KNCN: variants seen among roughly 807,000 people sequenced by gnomAD.
KNCN encodes the protein kinocilin.
Under a neutral mutation model 10.4 loss-of-function variants are expected in KNCN, and 11 were observed. That is an observed-to-expected ratio of 1.06 (90% CI 0.67 to 1.75). The LOEUF is 1.75. Among genes scored for constraint, KNCN ranks in the 40% most tolerant of loss-of-function variants. KNCN has a pLI of 0.00. For synonymous variants in KNCN, 67 were observed against 71.6 expected, an observed-to-expected ratio of 0.94 and a Z score of 0.33; for missense variants, 172 against 167.1, an observed-to-expected ratio of 1.03 and a Z score of -0.16.
Position 46,549,354 on chromosome 1 carries a change from A to G in KNCN, c.221-87T>C, listed in dbSNP as rs1285013711. 6.6e-6 allele frequency: 6 copies of G among 910,116 alleles called. No homozygotes were observed. In the African/African-American group the frequency reaches 8.4e-5, roughly 13 times the overall value. 56.4% of individuals were successfully genotyped at this position (910,116 alleles called of 1,614,324 possible). A position where few individuals can be genotyped will look rare whatever the true frequency, so the allele number is the denominator to read the frequency against. On this transcript the variant is annotated intron_variant, in intron 2 of 3. Transcript: ENST00000481882. ...GTTGGGAAGGGAAGTCCTTCTTGCT[A>G]TCTAGTCTCCATCCCTGATGCTGTC...
chr1:46,549,239 C>CCAGG lies in KNCN; in HGVS notation c.248_249insCCTG (p.Ala84LeufsTer40), dbSNP rs758694668. Reference sequence around the variant, plus strand: ...TGGATCTTCCTTCCCCGTGGTCTGCCCCTGGATGGGGATGGATTCTTAGGC... The same window carrying CCAGG: ...TGGATCTTCCTTCCCCGTGGTCTGCCCAGGCCTGGATGGGGATGGATTCTTAGGC... On this transcript the variant is annotated frameshift_variant, in exon 3 of 4. Coordinates refer to ENST00000481882, the MANE Select transcript of KNCN (RefSeq NM_001322255.2). LOFTEE classifies it high-confidence loss of function. The CCAGG allele has an allele frequency of 3.7e-6, 6 of 1,613,372 alleles. No homozygotes were observed. Among genetic ancestry groups the CCAGG allele is most frequent in the Non-Finnish European group, 5.1e-6 (6 of 1,179,556 alleles).
Position 46,549,773 on chromosome 1 carries a change from G to T in KNCN, c.220+161C>A, listed in dbSNP as rs376784646. ...TCTGCCGTTCTGTAGTCATGGCAAC[G>T]CCTGCACAACACACACACACACAGC... On this transcript the variant is annotated intron_variant, in intron 2 of 3. Transcript: ENST00000481882. The T allele has an allele frequency of 1.6e-5, 22 of 1,340,794 alleles. No homozygotes were observed. The Admixed American group carries it at 2.4e-4, about 14-fold the overall frequency. 83.1% of individuals were successfully genotyped at this position (1,340,794 alleles called of 1,614,324 possible).
rs1401826957 is a variant in KNCN at position 46,546,263 on chromosome 1, CTG to C, written c.*1465_*1466del. 2.6e-5 allele frequency: 4 copies of C among 152,228 alleles called. No individual in the cohort carries two copies. The highest frequency in any genetic ancestry group is 1.3e-4 in the Admixed American group (2 of 15,286). The allele number at this position is 152,228 out of a possible 1,614,324, so 9.4% of individuals were successfully genotyped here. A position where few individuals can be genotyped will look rare whatever the true frequency, so the allele number is the denominator to read the frequency against. ...TCAGCTTTCCCATCTGAGATGGACT[CTG>C]TGCTTCAGAAAACTTTGGTTTTTCC... is the stretch of plus-strand genomic sequence containing the variant. On this transcript the variant is annotated 3_prime_UTR_variant, in exon 4 of 4. Transcript: ENST00000481882.
At chr1:46,549,152 A>C in intron 3 of KNCN, 41 bp downstream of exon 3, 1 of 1,531,006 alleles carries the variant, frequency 6.5e-7, no homozygotes, top group Non-Finnish European at 8.9e-7. Context: ...AAAAAAAAAA[A>C]AGAAAAAAGA....
chr1:46,547,873 C>T, intron 3 of KNCN, 64 bp from the exon 4 acceptor site: 1 of 1,192,198 alleles, frequency 8.4e-7, no homozygotes, highest in Non-Finnish European at 1.1e-6. Flanking sequence ...TTGTCAGGGT[C>T]AGAGGAACTC....
chr1:46,547,888 G>T, intron 3 of KNCN, 79 bp from the exon 4 acceptor site: 1 of 1,119,842 alleles, frequency 8.9e-7, no homozygotes, highest in Non-Finnish European at 1.2e-6. Context: ...GAACTCAGAG[G>T]GACCCAAGGC....
chr1:46,549,870 G>C (rs1667029759), intron 2 of KNCN, 64 bp downstream of exon 2: 3 of 1,550,072 alleles, frequency 1.9e-6, no homozygotes, highest in Non-Finnish European at 2.6e-6. Flanking sequence ...TCACAGACGA[G>C]CACACAAAGG....
intron 1 of KNCN, among the ~76,000 whole-genome samples, chr1:46,550,521 C>T (rs1183905198): frequency 1.4e-5 from 2 of 144,314 alleles, no homozygotes; most frequent in African/African-American, 2.6e-5. Flanking sequence ...TGCCTTTGGC[C>T]TGGGCGGGGG....
At position 46,547,484 on chromosome 1, in the gene KNCN, G is replaced by C. The variant is rs1405761383; in HGVS notation, c.*246C>G. ...GGCCAGGGCAGGAGCCTGAAACATG[G>C]GAACCCTGTGGGGGCGTCCGGCGAC... On this transcript the variant is annotated 3_prime_UTR_variant, in exon 4 of 4. Coordinates refer to ENST00000481882, the MANE Select transcript of KNCN (RefSeq NM_001322255.2). The C allele has an allele frequency of 8.7e-6, 6 of 691,490 alleles. No individual in the cohort carries two copies. The highest frequency in any genetic ancestry group is 2.0e-5 in the Admixed American group (1 of 49,512). 42.8% of individuals were successfully genotyped at this position (691,490 alleles called of 1,614,324 possible).
At chr1:46,549,370 T>C (rs1341870658) in intron 2 of KNCN, 103 bp from the exon 3 acceptor site, 10 of 773,998 alleles carry the variant, frequency 1.3e-5, no homozygotes, top group South Asian at 2.0e-5. Flanking sequence ...TCTCCATCCC[T>C]GATGCTGTCT....
At chr1:46,547,874 A>G in intron 3 of KNCN, 65 bp from the exon 4 acceptor site, 1 of 1,196,144 alleles carries the variant, frequency 8.4e-7, no homozygotes, top group Non-Finnish European at 1.1e-6. Flanking sequence ...TGTCAGGGTC[A>G]GAGGAACTCA....
chr1:46,548,137 C>T (rs1666986605), intron 3 of KNCN, among the ~76,000 whole-genome samples: 1 of 152,178 alleles, frequency 6.6e-6, no homozygotes, highest in Non-Finnish European at 1.5e-5. Flanking sequence ...CCCTGTGCCT[C>T]GGTTGCCCCT....
In KNCN at chr1:46,549,193, C is replaced by T. The variant is rs1317625273; in HGVS notation, c.295G>A (p.Gly99Arg). Residue 99 changes from glycine (G) to arginine (R), a missense_variant and splice_region_variant, in exon 3 of 4, where the codon GGA becomes AGA. Coordinates refer to ENST00000481882, the MANE Select transcript of KNCN (RefSeq NM_001322255.2). ...GRSSTNGNKE[G>R]ARSSLSTVSR... is the part of the protein sequence containing the mutation. ...GGACTCGGGAATTTCTGGAACTTACCTTCCTTGTTGCCATTGGTGCTGGAT... is the reference window on the plus strand; with the variant it reads ...GGACTCGGGAATTTCTGGAACTTACTTTCCTTGTTGCCATTGGTGCTGGAT... The T allele has an allele frequency of 1.2e-6, 2 of 1,608,342 alleles. No individual in the cohort carries two copies. The highest frequency in any genetic ancestry group is 1.1e-5 in the South Asian group (1 of 89,828).
Position 46,548,198 on chromosome 1 carries a change from A to T in KNCN, c.296-389T>A, listed in dbSNP as rs186577104. Among the ~76,000 whole-genome samples the T allele has an allele frequency of 2.5e-3, 388 of 152,232 alleles. 6 individuals carry two copies. Among genetic ancestry groups the T allele is most frequent in the Non-Finnish European group, 7.6e-4 (52 of 68,020 alleles). Reference sequence around the variant, plus strand: ...GCTGCCCTCATGTGGTTGTTGTGAGACTTAAAAGAGCGAATAATAGATGAA... The same window carrying T: ...GCTGCCCTCATGTGGTTGTTGTGAGTCTTAAAAGAGCGAATAATAGATGAA... On this transcript the variant is annotated intron_variant, in intron 3 of 3. Coordinates refer to ENST00000481882, the MANE Select transcript of KNCN (RefSeq NM_001322255.2).
In KNCN at chr1:46,547,552, G is replaced by A; in HGVS notation, c.*178C>T. On this transcript the variant is annotated 3_prime_UTR_variant, in exon 4 of 4. Coordinates refer to ENST00000481882, the MANE Select transcript of KNCN (RefSeq NM_001322255.2). ...AGCCCACACCAGTGGAATCCATTTT[G>A]GAGAGGCTTGGCCGGGCGAGTGCAA... The A allele has an allele frequency of 1.4e-6, 1 of 711,596 alleles. No individual in the cohort carries two copies. The highest frequency in any genetic ancestry group is 2.6e-6 in the Non-Finnish European group (1 of 386,804). 44.1% of individuals were successfully genotyped at this position (711,596 alleles called of 1,614,324 possible). A position where few individuals can be genotyped will look rare whatever the true frequency, so the allele number is the denominator to read the frequency against.
At position 46,550,324 on chromosome 1, in the gene KNCN, TCCCCAGGGC is replaced by T. The variant is rs201427648; in HGVS notation, c.152-331_152-323del. 3.8e-3 allele frequency among the ~76,000 whole-genome samples: 572 copies of T among 152,160 alleles called. 4 individuals carry two copies. The highest frequency in any genetic ancestry group is 0.013 in the African/African-American group (529 of 41,514). On this transcript the variant is annotated intron_variant, in intron 1 of 3. Coordinates refer to ENST00000481882, the MANE Select transcript of KNCN (RefSeq NM_001322255.2). ...ACTGCGTCTCTGCTGTCCCCACGCTTCCCCAGGGCCCCCAGGGCCGGACTGGGTGCTTGT... is the reference window on the plus strand; with the variant it reads ...ACTGCGTCTCTGCTGTCCCCACGCTTCCCCAGGGCCGGACTGGGTGCTTGT...
In KNCN at chr1:46,549,939, G is replaced by A. The variant is rs149813307; in HGVS notation, c.215C>T (p.Thr72Ile). The A allele has an allele frequency of 3.3e-3, 5,155 of 1,550,592 alleles. 108 individuals are homozygous for A. The Admixed American group carries it at 0.036, about 11-fold the overall frequency. The change falls in exon 2 of 4, where the codon ACC becomes ATC. Residue 72 changes from threonine (T) to isoleucine (I), a missense_variant. Physicochemically the swap from Thr to Ile is moderately conservative, Grantham distance 89. Coordinates refer to ENST00000481882, the MANE Select transcript of KNCN (RefSeq NM_001322255.2). ...GGGTCAGGGAGAGGCCTCACCTATG[G>A]TAGGCAGGATGTGGTCCAGGTTGAA... ...ARFNLDHILPTIGSLRIHPHP... is the reference protein window; with the variant it reads ...ARFNLDHILPIIGSLRIHPHP...
intron 2 of KNCN, 193 bp downstream of exon 2, chr1:46,549,741 G>T: frequency 9.8e-7 from 1 of 1,019,258 alleles, no homozygotes; most frequent in Non-Finnish European, 1.4e-6. Flanking sequence ...TTTGCTGCAG[G>T]CTGGATTCTG....
Position 46,551,304 on chromosome 1 carries a change from T to C in KNCN, c.-89A>G, listed in dbSNP as rs1667062652. The stretch of plus-strand genomic sequence containing the variant: ...TTCTGGGCTCTTGGATGTCTCCTTG[T>C]TGGCGCTCCAACTTCAGGGTAGGAG... On this transcript the variant is annotated 5_prime_UTR_variant, in exon 1 of 4. Transcript: ENST00000481882. This position sits in a 1 kb window ranked among gnomAD's most constrained non-coding sequence, Gnocchi z 4.0. 1 of 1,468,932 alleles carries C rather than the reference T, an allele frequency of 6.8e-7. No homozygotes were observed. Among genetic ancestry groups the C allele is most frequent in the Non-Finnish European group, 9.2e-7 (1 of 1,087,338 alleles). 91.0% of individuals were successfully genotyped at this position (1,468,932 alleles called of 1,614,324 possible). A position where few individuals can be genotyped will look rare whatever the true frequency, so the allele number is the denominator to read the frequency against.
Sources: gnomAD v4.1 joint callset for allele counts (sites outside exome capture counted in the v4.1 genomes callset) on GRCh38, gnomAD v4.1.1 for gene constraint, Gnocchi (gnomAD v3.1) non-coding constraint, MANE v1.5 for transcripts, NCBI Gene and HGNC (gene_info 2026-07-23, HGNC 2026-07-21) for gene names.